TTLL8: variants seen among roughly 807,000 people sequenced by gnomAD.
The protein encoded by TTLL8 is protein monoglycylase TTLL8.
Under a neutral mutation model 77.8 loss-of-function variants are expected in TTLL8, and 65 were observed. The ratio of observed to expected loss-of-function variants is 0.84; its 90% CI spans 0.68 to 1.03. The LOEUF (loss-of-function observed/expected upper bound fraction) is 1.03. Ranked by LOEUF, TTLL8 falls within the 50% of genes least tolerant of loss-of-function variation. The pLI is 0.00. For synonymous variants in TTLL8, 402 were observed against 422.8 expected (o/e 0.95, Z 0.60); for missense variants, 910 against 1,004.5 (o/e 0.91, Z 1.27).
At position 50,034,818 on chromosome 22, in the gene TTLL8, C is replaced by T. The variant is rs143168221; in HGVS notation, c.922-356G>A. Among the ~76,000 whole-genome samples, 4 of 152,074 alleles carry T rather than the reference C, an allele frequency of 2.6e-5. No individual in the cohort carries two copies. The highest frequency in any genetic ancestry group is 9.7e-5 in the African/African-American group (4 of 41,424). On this transcript the variant is annotated intron_variant, in intron 8 of 13. Coordinates refer to ENST00000266182, the Ensembl canonical transcript of TTLL8. This position sits in a 1 kb window ranked among gnomAD's most constrained non-coding sequence, Gnocchi z 4.1. The stretch of plus-strand genomic sequence containing the variant: ...GTGGGGGTGGGGAGATGCAGCCACG[C>T]GGAAACGTGGGAGACACAGGCGGGG...
At chr22:50,024,126 T>C (rs1352502764) in intron 12 of TTLL8, among the ~76,000 whole-genome samples, 1 of 152,172 alleles carries the variant, frequency 6.6e-6, no homozygotes, top group African/African-American at 2.4e-5. Context: ...TATACTATCA[T>C]ATTTGGTTTT....
intron 6 of TTLL8, among the ~76,000 whole-genome samples, chr22:50,043,668 G>A (rs1455521282): frequency 6.6e-6 from 1 of 151,812 alleles, no homozygotes; most frequent in Non-Finnish European, 1.5e-5. Flanking sequence ...TCTAGACAGT[G>A]GAGTATCACT....
At chr22:50,031,488 G>C in intron 11 of TTLL8, 198 bp downstream of exon 12, 3 of 943,630 alleles carry the variant, frequency 3.2e-6, no homozygotes, top group Non-Finnish European at 3.8e-6. Flanking sequence ...CGGTGCCGAC[G>C]AGGCACTGAG....
At chr22:50,031,978 C>A in exon 11 of TTLL8, 1 of 1,366,738 alleles carries the variant, frequency 7.3e-7, no homozygotes, top group Non-Finnish European at 9.8e-7. Flanking sequence ...CCACACGGCG[C>A]CACGGCCCTG....
intron 3 of TTLL8, among the ~76,000 whole-genome samples, chr22:50,047,618 C>T (rs553546630): frequency 1.3e-5 from 2 of 152,300 alleles, no homozygotes; most frequent in African/African-American, 4.8e-5. Flanking sequence ...CACGACACTT[C>T]ATAACCCAGA....
At chr22:50,025,331 G>C (rs2061225288) in intron 12 of TTLL8, among the ~76,000 whole-genome samples, 1 of 144,452 alleles carries the variant, frequency 6.9e-6, no homozygotes, top group Non-Finnish European at 1.5e-5. Context: ...AAAAACCACA[G>C]ACTGGGAGGA....
chr22:50,055,201 C>T (rs1210338059), upstream of TTLL8: 2 of 1,280,314 alleles, frequency 1.6e-6, no homozygotes, highest in East Asian at 1.1e-4. Context: ...AAAAAAGTGT[C>T]CCCCTCCCCA....
chr22:50,024,025 A>G (rs991806098), intron 12 of TTLL8, among the ~76,000 whole-genome samples: 2 of 152,246 alleles, frequency 1.3e-5, no homozygotes, highest in Non-Finnish European at 2.9e-5. Context: ...GTCTCAAAAC[A>G]AACAAACAGA....
chr22:50,040,236 C>T (rs549348017), intron 8 of TTLL8, among the ~76,000 whole-genome samples: 25 of 150,480 alleles, frequency 1.7e-4, no homozygotes, highest in African/African-American at 5.6e-4. Flanking sequence ...TCACTTGTGC[C>T]GGCGTAGGCA....
intron 10 of TTLL8, among the ~76,000 whole-genome samples, chr22:50,032,441 T>C (rs1221476558): frequency 6.6e-6 from 1 of 152,230 alleles, no homozygotes; most frequent in Non-Finnish European, 1.5e-5. Flanking sequence ...CAGGCCCACT[T>C]GACCAGAGGC....
At chr22:50,026,477 G>T (rs1436679226) in intron 12 of TTLL8, among the ~76,000 whole-genome samples, 3 of 149,556 alleles carry the variant, frequency 2.0e-5, no homozygotes, top group African/African-American at 7.4e-5. Flanking sequence ...ACCTCAGAGT[G>T]GAGGGTCAGA....
Position 50,027,726 on chromosome 22 carries a change from A to G in TTLL8, c.2203+2704T>C, listed in dbSNP as rs115636826. 8.7e-4 allele frequency: 860 copies of G among 985,354 alleles called. 5 individuals carry two copies. In the African/African-American group the frequency reaches 0.015, roughly 17 times the overall value. 61.0% of individuals were successfully genotyped at this position (985,354 alleles called of 1,614,324 possible). ...GGCCTTTTGCAGCACAGGCTCTGAG[A>G]GCAACGGTGCGGTTGCCTGACTGTC... On this transcript the variant is annotated intron_variant, in intron 12 of 13. Transcript: ENST00000266182.
chr22:50,041,933 C>A lies in TTLL8; in HGVS notation c.644-126G>T, dbSNP rs554885103. 4 of 845,946 alleles carry A rather than the reference C, an allele frequency of 4.7e-6. No homozygotes were observed. The highest frequency in any genetic ancestry group is 1.8e-5 in the African/African-American group (1 of 55,370). The allele number at this position is 845,946 out of a possible 1,614,324, so 52.4% of individuals were successfully genotyped here. On this transcript the variant is annotated intron_variant, in intron 6 of 13. Coordinates refer to ENST00000266182, the Ensembl canonical transcript of TTLL8. The surrounding 1 kb of genome is among the most constrained non-coding windows in gnomAD (Gnocchi z 4.3). ...ACTCCCTCTGTGCCCCAATACCCAA[C>A]AAGTATCCCAGATCCCCAGACAGGC...
In TTLL8 at chr22:50,044,416, A is replaced by G. The variant is rs1322817709; in HGVS notation, c.643+839T>C. Among the ~76,000 whole-genome samples the G allele has an allele frequency of 2.0e-5, 3 of 152,162 alleles. No homozygotes were observed. Among genetic ancestry groups the G allele is most frequent in the Non-Finnish European group, 4.4e-5 (3 of 68,030 alleles). On this transcript the variant is annotated intron_variant, in intron 6 of 13. Transcript: ENST00000266182. The surrounding 1 kb of genome is among the most constrained non-coding windows in gnomAD (Gnocchi z 4.2). ...ACTACAACCTAACTCAGAATTGAAA[A>G]CGGAATGTAAGCACAGCCAATCACA... is the stretch of plus-strand genomic sequence containing the variant.
intron 6 of TTLL8, among the ~76,000 whole-genome samples, chr22:50,043,193 G>GGATA (rs200544194): frequency 1.3e-5 from 2 of 151,058 alleles, no homozygotes; most frequent in Non-Finnish European, 3.0e-5. Context: ...TTCAGTAGAT[G>GGATA]GATAGATAGA....
At chr22:50,047,228 G>C in exon 4 of TTLL8, 1 of 1,367,698 alleles carries the variant, frequency 7.3e-7, no homozygotes, top group Non-Finnish European at 9.8e-7. Context: ...AGGTCAGGCT[G>C]TGATAGTCAA....
chr22:50,050,421 G>A (rs961126805), intron 1 of TTLL8, among the ~76,000 whole-genome samples, 174 bp from the exon 4 acceptor site: 2 of 150,748 alleles, frequency 1.3e-5, no homozygotes, highest in African/African-American at 2.4e-5. Context: ...CATCCAGGCC[G>A]GAGTGCAGTG....
chr22:50,037,877 A>G (rs1245878184), intron 8 of TTLL8, among the ~76,000 whole-genome samples: 1 of 152,168 alleles, frequency 6.6e-6, no homozygotes, highest in East Asian at 1.9e-4. Context: ...AAATCAGTTC[A>G]TTAATTCCTC....
chr22:50,048,333 G>C (rs2061425071), intron 3 of TTLL8, among the ~76,000 whole-genome samples: 1 of 152,098 alleles, frequency 6.6e-6, no homozygotes, highest in African/African-American at 2.4e-5. Flanking sequence ...TCCCCAGGGC[G>C]ATGGCATAGG....
Sources: allele counts gnomAD v4.1 joint callset (sites outside exome capture counted in the v4.1 genomes callset), GRCh38; gene constraint gnomAD v4.1.1; non-coding constraint Gnocchi (gnomAD v3.1); transcripts MANE v1.5; gene names NCBI Gene and HGNC (gene_info 2026-07-23, HGNC 2026-07-21).